Variants in PPP1R42 observed in about 807,000 individuals in gnomAD.
PPP1R42 encodes the protein protein phosphatase 1 regulatory subunit 42.
PPP1R42 carries 34 observed loss-of-function variants against 31.0 expected under a neutral mutation model. The ratio of observed to expected loss-of-function variants is 1.10; its 90% CI spans 0.83 to 1.46. The LOEUF (loss-of-function observed/expected upper bound fraction) is 1.46. PPP1R42 is among the 40% of genes most tolerant of loss of function. The pLI is 0.00. For synonymous variants in PPP1R42, 103 were observed against 109.8 expected (o/e 0.94, Z 0.39); for missense variants, 268 against 303.0 (o/e 0.88, Z 0.86).
At position 67,028,509 on chromosome 8, in the gene PPP1R42, G is replaced by A; in HGVS notation, c.-103C>T. The A allele has an allele frequency of 1.0e-6, 1 of 985,534 alleles. No homozygotes were observed. The highest frequency in any genetic ancestry group is 1.2e-6 in the Non-Finnish European group (1 of 829,972). 61.0% of individuals were successfully genotyped at this position (985,534 alleles called of 1,614,324 possible). ...AGCTCACCGCTCGCGGGACAGTCCG[G>A]TAGCTAACTCCAGTTTGGTCGGTTT... On this transcript the variant is annotated 5_prime_UTR_variant, in exon 1 of 8. Coordinates refer to ENST00000685739, the MANE Select transcript of PPP1R42 (RefSeq NM_001364910.1).
chr8:66,971,063 C>T, intron 7 of PPP1R42: 2 of 1,533,952 alleles, frequency 1.3e-6, no homozygotes, highest in Non-Finnish European at 1.7e-6. Context: ...CTCTGTATTT[C>T]AGAGAAAAAG....
At chr8:66,979,472 G>A (rs1177373481) in intron 7 of PPP1R42, among the ~76,000 whole-genome samples, 1 of 152,184 alleles carries the variant, frequency 6.6e-6, no homozygotes, top group Admixed American at 6.5e-5. Flanking sequence ...GGAGATCGAG[G>A]CTGTAGTGAG....
intron 6 of PPP1R42, among the ~76,000 whole-genome samples, chr8:66,982,503 C>T (rs751938303): frequency 1.2e-4 from 19 of 152,070 alleles, no homozygotes; most frequent in Non-Finnish European, 2.5e-4. Context: ...GTCATCCAGG[C>T]TGGAGTGCAT....
chr8:67,015,629 G>A (rs1815994237), intron 2 of PPP1R42, among the ~76,000 whole-genome samples: 1 of 145,146 alleles, frequency 6.9e-6, no homozygotes, highest in Non-Finnish European at 1.5e-5. Flanking sequence ...AACAGGGTCT[G>A]CCCAGGCTGG....
intron 5 of PPP1R42, among the ~76,000 whole-genome samples, chr8:66,988,913 TGC>T (rs1180891353): frequency 6.6e-6 from 1 of 152,112 alleles, no homozygotes; most frequent in African/African-American, 2.4e-5. Context: ...TGTGTGTTGT[TGC>T]TTTTTATTTT....
chr8:66,992,040 T>C (rs754045554), intron 5 of PPP1R42, among the ~76,000 whole-genome samples: 1 of 152,206 alleles, frequency 6.6e-6, no homozygotes, highest in South Asian at 2.1e-4. Context: ...CTGGTGCCAC[T>C]GAAAAGGCAT....
chr8:66,970,281 C>T (rs1254383784), intron 7 of PPP1R42, among the ~76,000 whole-genome samples: 1 of 151,976 alleles, frequency 6.6e-6, no homozygotes, highest in African/African-American at 2.4e-5. Flanking sequence ...TAGGCACGCA[C>T]CACCATGTCC....
intron 7 of PPP1R42, among the ~76,000 whole-genome samples, chr8:66,966,580 T>G (rs1414818144): frequency 6.6e-6 from 1 of 151,812 alleles, no homozygotes; most frequent in Non-Finnish European, 1.5e-5. Context: ...GATCAGGAGA[T>G]CAAGACCATC....
chr8:66,977,073 A>G (rs1177755715), intron 7 of PPP1R42, among the ~76,000 whole-genome samples: 1 of 149,020 alleles, frequency 6.7e-6, no homozygotes, highest in African/African-American at 2.5e-5. Context: ...TTGCTCTGTC[A>G]CACAGGCTGA....
At chr8:67,020,264 G>A (rs1585688033) in intron 1 of PPP1R42, among the ~76,000 whole-genome samples, 2 of 151,924 alleles carry the variant, frequency 1.3e-5, no homozygotes, top group East Asian at 3.9e-4. Flanking sequence ...GTGCAATGGC[G>A]CGATCTCGGC....
intron 1 of PPP1R42, among the ~76,000 whole-genome samples, chr8:67,022,204 T>C (rs1816241867): frequency 6.6e-6 from 1 of 152,212 alleles, no homozygotes. Context: ...GCCAAGCTGA[T>C]GGGTATAAAA....
Position 66,992,765 on chromosome 8 carries a change from TATG to T in PPP1R42, c.553-4251_553-4249del, listed in dbSNP as rs574344644. Among the ~76,000 whole-genome samples, 986 of 152,312 alleles carry T rather than the reference TATG, an allele frequency of 6.5e-3. 7 individuals carry two copies. Among genetic ancestry groups the T allele is most frequent in the African/African-American group, 0.023 (947 of 41,562 alleles). ...TTTATAGAAAAAGAATGGCCACATT[TATG>T]ATAATAGTCAAACTTCTGTTACCCT... On this transcript the variant is annotated intron_variant, in intron 5 of 7. Coordinates refer to ENST00000685739, the MANE Select transcript of PPP1R42 (RefSeq NM_001364910.1).
At chr8:67,013,395 A>G (rs1470447556) in intron 3 of PPP1R42, among the ~76,000 whole-genome samples, 5 of 151,894 alleles carry the variant, frequency 3.3e-5, no homozygotes, top group Admixed American at 6.6e-5. Context: ...TTTGATAATA[A>G]CCATTTTTGG....
chr8:66,982,284 G>C, intron 6 of PPP1R42, 104 bp from the exon 7 acceptor site: 1 of 475,546 alleles, frequency 2.1e-6, no homozygotes, highest in South Asian at 8.1e-5. Flanking sequence ...TTACACCATA[G>C]ACTGAAATAA....
chr8:66,974,609 TTTGA>T (rs1312807074), intron 7 of PPP1R42, among the ~76,000 whole-genome samples: 3 of 152,196 alleles, frequency 2.0e-5, no homozygotes, highest in Non-Finnish European at 2.9e-5. Flanking sequence ...TCATATCTAT[TTTGA>T]TTCGCATTTC....
chr8:66,998,559 T>G (rs1004157758), intron 5 of PPP1R42, among the ~76,000 whole-genome samples: 1 of 152,226 alleles, frequency 6.6e-6, no homozygotes, highest in Admixed American at 6.5e-5. Flanking sequence ...TTGGCCTTAT[T>G]GCACTGGCTA....
intron 5 of PPP1R42, among the ~76,000 whole-genome samples, chr8:67,007,215 A>G (rs1815714727): frequency 6.6e-6 from 1 of 152,054 alleles, no homozygotes; most frequent in East Asian, 1.9e-4. Flanking sequence ...ATGTATCTCC[A>G]GTATCTTAAG....
chr8:66,987,733 T>C (rs1262638904), intron 6 of PPP1R42, among the ~76,000 whole-genome samples: 1 of 152,198 alleles, frequency 6.6e-6, no homozygotes, highest in Non-Finnish European at 1.5e-5. Context: ...CCACTCATGC[T>C]AAGTAAACCA....
chr8:66,979,408 G>A (rs980424346), intron 7 of PPP1R42, among the ~76,000 whole-genome samples: 9 of 152,166 alleles, frequency 5.9e-5, no homozygotes, highest in African/African-American at 1.9e-4. Context: ...GGTTGCACAC[G>A]CCTGTCATCT....
Sources: gnomAD v4.1 joint callset for allele counts (sites outside exome capture counted in the v4.1 genomes callset) on GRCh38, gnomAD v4.1.1 for gene constraint, MANE v1.5 for transcripts, NCBI Gene and HGNC (gene_info 2026-07-23, HGNC 2026-07-21) for gene names.